The following MPPED2 variants were observed in gnomAD, a reference collection of about 807,000 sequenced individuals.
MPPED2 encodes the protein metallophosphoesterase MPPED2.
A neutral mutation model predicts 33.0 loss-of-function variants in MPPED2; 5 were observed. That is an observed-to-expected ratio of 0.15 (90% CI 0.08 to 0.32). MPPED2 has a LOEUF of 0.32. Among genes scored for constraint, MPPED2 ranks in the 10% least tolerant of loss-of-function variants. The pLI is 1.00. For synonymous variants in MPPED2, 136 were observed against 141.9 expected (o/e 0.96, Z 0.29); for missense variants, 275 against 372.1 (o/e 0.74, Z 2.15).
chr11:30,511,916 T>C (rs916118774), intron 3 of MPPED2, among the ~76,000 whole-genome samples: 13 of 152,368 alleles, frequency 8.5e-5, no homozygotes, highest in African/African-American at 3.1e-4. Flanking sequence ...GTGTATACTC[T>C]GAACGTCAAT....
intron 2 of MPPED2, among the ~76,000 whole-genome samples, chr11:30,557,154 C>T (rs1956004308): frequency 6.7e-6 from 1 of 149,006 alleles, no homozygotes; most frequent in Admixed American, 6.6e-5. Flanking sequence ...GTGTGCCTGG[C>T]ACATAGCAGG....
intron 4 of MPPED2, among the ~76,000 whole-genome samples, chr11:30,440,708 G>T (rs79788721): frequency 2.0e-5 from 3 of 152,288 alleles, no homozygotes; most frequent in Non-Finnish European, 2.9e-5. Flanking sequence ...GCAGTCTACT[G>T]CTGACACGTT....
chr11:30,472,277 C>T lies in MPPED2; in HGVS notation c.536+23019G>A, dbSNP rs149624748. ...TTGGGGGTCTGAGGTGGGAGGATTGCTTGAACCTGGAAGCTTGAGGCTGCA... is the reference window on the plus strand; with the variant it reads ...TTGGGGGTCTGAGGTGGGAGGATTGTTTGAACCTGGAAGCTTGAGGCTGCA... On this transcript the variant is annotated intron_variant, in intron 4 of 6. Transcript: ENST00000358117. Among the ~76,000 whole-genome samples, 19 of 152,176 alleles carry T rather than the reference C, an allele frequency of 1.2e-4. No homozygotes were observed. In the East Asian group the frequency reaches 3.7e-3, roughly 29 times the overall value.
rs368668598 is a variant in MPPED2, at chr11:30,557,973, G to A, written c.129-21798C>T. Among the ~76,000 whole-genome samples, 23 of 152,136 alleles carry A rather than the reference G, an allele frequency of 1.5e-4. 1 individual carries two copies. The East Asian group carries it at 1.7e-3, about 11-fold the overall frequency. On this transcript the variant is annotated intron_variant, in intron 2 of 6. Transcript: ENST00000358117. Reference sequence around the variant, plus strand: ...TTGCTAGGAAGATATAAATAAATACGAGTAAAGATAATGTCTGTGGCTGGA... The same window carrying A: ...TTGCTAGGAAGATATAAATAAATACAAGTAAAGATAATGTCTGTGGCTGGA...
At chr11:30,564,648 G>A (rs1444024026) in intron 2 of MPPED2, among the ~76,000 whole-genome samples, 4 of 152,136 alleles carry the variant, frequency 2.6e-5, no homozygotes, top group African/African-American at 4.8e-5. Context: ...GTCTCCTCAG[G>A]CAATGAAGCT....
chr11:30,561,891 C>T (rs1257619593), intron 2 of MPPED2, among the ~76,000 whole-genome samples: 1 of 152,156 alleles, frequency 6.6e-6, no homozygotes, highest in African/African-American at 2.4e-5. Flanking sequence ...TCCTTTTGGT[C>T]AGAGACATCA....
At chr11:30,404,547 A>G (rs779147762) in intron 6 of MPPED2, among the ~76,000 whole-genome samples, 7 of 152,192 alleles carry the variant, frequency 4.6e-5, no homozygotes, top group Non-Finnish European at 1.0e-4. Flanking sequence ...TCCCTTTCCT[A>G]GGCTAGCTGC....
At chr11:30,428,122 T>TA (rs1398298688) in intron 4 of MPPED2, among the ~76,000 whole-genome samples, 8 of 152,036 alleles carry the variant, frequency 5.3e-5, no homozygotes, top group Non-Finnish European at 1.2e-4. Context: ...TATGTGGCAA[T>TA]AAAAAAGCAT....
At chr11:30,442,357 C>A (rs1248144966) in intron 4 of MPPED2, among the ~76,000 whole-genome samples, 1 of 152,114 alleles carries the variant, frequency 6.6e-6, no homozygotes, top group African/African-American at 2.4e-5. Flanking sequence ...AAAGAGTCTA[C>A]AAAAAGCAAT....
chr11:30,416,891 C>G (rs1247249673), intron 5 of MPPED2, among the ~76,000 whole-genome samples: 1 of 152,160 alleles, frequency 6.6e-6, no homozygotes, highest in Non-Finnish European at 1.5e-5. Context: ...CATTCTTTGG[C>G]CCATAATGTG....
chr11:30,403,261 G>T (rs35370586), intron 6 of MPPED2, among the ~76,000 whole-genome samples: 2 of 145,454 alleles, frequency 1.4e-5, no homozygotes, highest in African/African-American at 5.1e-5. Context: ...AAAAAAAAAA[G>T]AAAAGAAAAC....
intron 3 of MPPED2, among the ~76,000 whole-genome samples, chr11:30,518,483 C>A (rs189881674): frequency 3.9e-4 from 60 of 152,208 alleles, no homozygotes; most frequent in African/African-American, 1.4e-3. Flanking sequence ...AAATGTGATA[C>A]GTTTTTAATA....
At chr11:30,560,236 G>A (rs967111593) in intron 2 of MPPED2, among the ~76,000 whole-genome samples, 5 of 151,938 alleles carry the variant, frequency 3.3e-5, no homozygotes, top group African/African-American at 1.2e-4. Context: ...TCTGTCTTAA[G>A]GATACCTCTT....
At chr11:30,446,202 G>T (rs1013339317) in intron 4 of MPPED2, among the ~76,000 whole-genome samples, 1 of 152,196 alleles carries the variant, frequency 6.6e-6, no homozygotes, top group Admixed American at 6.5e-5. Context: ...TTCTGTGTGC[G>T]GTTAGAGGAG....
intron 6 of MPPED2, among the ~76,000 whole-genome samples, chr11:30,394,662 T>C (rs1947818556): frequency 6.6e-6 from 1 of 152,200 alleles, no homozygotes; most frequent in Non-Finnish European, 1.5e-5. Context: ...AGATCTTTGT[T>C]TGATATGTGA....
At chr11:30,457,354 A>C (rs1327784418) in intron 4 of MPPED2, among the ~76,000 whole-genome samples, 1 of 148,422 alleles carries the variant, frequency 6.7e-6, no homozygotes, top group Non-Finnish European at 1.5e-5. Context: ...TTTATAGATG[A>C]GTCTGGCATT....
At chr11:30,478,102 C>A (rs1046944413) in intron 4 of MPPED2, among the ~76,000 whole-genome samples, 1 of 152,010 alleles carries the variant, frequency 6.6e-6, no homozygotes, top group African/African-American at 2.4e-5. Context: ...CAGAAACCAA[C>A]AGAAATGAAA....
intron 4 of MPPED2, among the ~76,000 whole-genome samples, chr11:30,458,913 T>C (rs949242269): frequency 1.5e-4 from 20 of 135,454 alleles, no homozygotes. Flanking sequence ...TTTGCACAGT[T>C]CTTTTTTTTT....
At chr11:30,582,442 T>C (rs1288270683) in intron 1 of MPPED2, among the ~76,000 whole-genome samples, 1 of 152,238 alleles carries the variant, frequency 6.6e-6, no homozygotes, top group Non-Finnish European at 1.5e-5. Flanking sequence ...ATGTCTATTG[T>C]GTGAAATACT....
Sources: allele counts gnomAD v4.1 joint callset (sites outside exome capture counted in the v4.1 genomes callset), GRCh38; gene constraint gnomAD v4.1.1; transcripts MANE v1.5; gene names NCBI Gene and HGNC (gene_info 2026-07-23, HGNC 2026-07-21).